RAD23B: variants seen among roughly 807,000 people sequenced by gnomAD.
RAD23B encodes RAD23 nucleotide excision repair protein B.
A neutral mutation model predicts 49.1 loss-of-function variants in RAD23B; 5 were observed. The ratio of observed to expected loss-of-function variants is 0.10; its 90% CI spans 0.05 to 0.21. The LOEUF (loss-of-function observed/expected upper bound fraction) is 0.21, where lower values mean the gene tolerates loss of function less well. RAD23B is among the 10% of genes least tolerant of loss of function. The probability of loss-of-function intolerance (pLI) is 1.00; values close to 1 mark genes in which losing one functional copy is unlikely to be tolerated. For missense variants in RAD23B, 356 were observed against 486.7 expected (o/e 0.73, Z 2.53); for synonymous variants, 184 against 165.4 (o/e 1.11, Z -0.86).
chr9:107,294,363 G>A (rs1833446061), intron 1 of RAD23B, among the ~76,000 whole-genome samples: 1 of 152,182 alleles, frequency 6.6e-6, no homozygotes, highest in Non-Finnish European at 1.5e-5. Context: ...AGTGGGAAAT[G>A]CAGCACAATG....
intron 7 of RAD23B, among the ~76,000 whole-genome samples, chr9:107,323,619 T>C (rs560965928): frequency 1.2e-4 from 19 of 152,286 alleles, no homozygotes; most frequent in African/African-American, 4.3e-4. Context: ...TTTTATAACG[T>C]TGAGTGCCAA....
At chr9:107,321,275 AT>A in intron 6 of RAD23B, among the ~76,000 whole-genome samples, 1 of 150,064 alleles carries the variant, frequency 6.7e-6, no homozygotes, top group Non-Finnish European at 1.5e-5. Flanking sequence ...CATTTATGAG[AT>A]ACTTTAAGTA....
At chr9:107,291,137 A>T (rs1833376810) in intron 1 of RAD23B, among the ~76,000 whole-genome samples, 1 of 152,210 alleles carries the variant, frequency 6.6e-6, no homozygotes, top group African/African-American at 2.4e-5. Flanking sequence ...CTGGAGGCTT[A>T]AACAGGTAGA....
chr9:107,288,004 G>A (rs1833310086), intron 1 of RAD23B, among the ~76,000 whole-genome samples: 1 of 152,054 alleles, frequency 6.6e-6, no homozygotes, highest in African/African-American at 2.4e-5. Flanking sequence ...AAGCTTCCTA[G>A]ATTAAGGTAA....
intron 9 of RAD23B, among the ~76,000 whole-genome samples, chr9:107,329,309 T>C (rs1213286779): frequency 6.6e-6 from 1 of 152,196 alleles, no homozygotes; most frequent in Admixed American, 6.5e-5. Flanking sequence ...AAGACTTTTT[T>C]AGGTGATTAG....
chr9:107,284,507 C>T (rs756502608), intron 1 of RAD23B, among the ~76,000 whole-genome samples: 1 of 151,852 alleles, frequency 6.6e-6, no homozygotes, highest in Non-Finnish European at 1.5e-5. Flanking sequence ...AAACAAAAAA[C>T]AACAACTTTG....
At chr9:107,319,236 T>G (rs1265250317) in intron 6 of RAD23B, among the ~76,000 whole-genome samples, 2 of 148,018 alleles carry the variant, frequency 1.4e-5, no homozygotes, top group Non-Finnish European at 3.0e-5. Context: ...GTTCACGCCT[T>G]TCTCCTGCCT....
At chr9:107,290,493 A>G (rs1466866184) in intron 1 of RAD23B, among the ~76,000 whole-genome samples, 2 of 152,120 alleles carry the variant, frequency 1.3e-5, no homozygotes, top group African/African-American at 2.4e-5. Context: ...TTTTTTCCAC[A>G]TCTTGCTCTT....
At chr9:107,291,614 A>G (rs1833386380) in intron 1 of RAD23B, among the ~76,000 whole-genome samples, 1 of 152,208 alleles carries the variant, frequency 6.6e-6, no homozygotes. Context: ...GTCAGCTGAC[A>G]TTTTTAAAAT....
At chr9:107,313,731 C>T (rs1366910315) in intron 5 of RAD23B, among the ~76,000 whole-genome samples, 1 of 152,222 alleles carries the variant, frequency 6.6e-6, no homozygotes, top group African/African-American at 2.4e-5. Flanking sequence ...TTTAGAACCT[C>T]CATGACTTCA....
chr9:107,330,880 A>G lies in RAD23B; in HGVS notation c.*1224A>G, dbSNP rs1335683553. 6.6e-6 allele frequency: 1 copy of G among 152,650 alleles called. No homozygotes were observed. Among genetic ancestry groups the G allele is most frequent in the Non-Finnish European group, 1.5e-5 (1 of 68,044 alleles). The allele number at this position is 152,650 out of a possible 1,614,324, so 9.5% of individuals were successfully genotyped here. ...GATATCTCATGGCATATTAAAAGAA[A>G]AATCTTAATAGCAGTGTTGGCTTTT... On this transcript the variant is annotated 3_prime_UTR_variant, in exon 10 of 10. Transcript: ENST00000358015. The surrounding 1 kb of genome is among the most constrained non-coding windows in gnomAD (Gnocchi z 4.4).
chr9:107,287,074 CAAAA>C (rs1227654857), intron 1 of RAD23B, among the ~76,000 whole-genome samples: 2,022 of 94,276 alleles, frequency 0.021, 22 homozygotes, highest in Middle Eastern at 0.038. Context: ...GACTCCGTCT[CAAAA>C]AAAAAAAAAA....
intron 1 of RAD23B, among the ~76,000 whole-genome samples, chr9:107,291,711 A>G (rs552457291): frequency 6.6e-6 from 1 of 152,318 alleles, no homozygotes; most frequent in South Asian, 2.1e-4. Flanking sequence ...CAGTTTCTCA[A>G]GTGGAAGGAG....
At chr9:107,290,338 T>C (rs1833356018) in intron 1 of RAD23B, among the ~76,000 whole-genome samples, 1 of 152,210 alleles carries the variant, frequency 6.6e-6, no homozygotes, top group South Asian at 2.1e-4. Flanking sequence ...TTTCTCTTCA[T>C]CACTGATTTT....
intron 1 of RAD23B, among the ~76,000 whole-genome samples, chr9:107,288,309 G>C (rs1351906233): frequency 1.3e-5 from 2 of 152,186 alleles, no homozygotes; most frequent in Non-Finnish European, 2.9e-5. Context: ...GCCCTGCTGT[G>C]ATGGTATGTG....
chr9:107,317,325 G>A (rs183797806), intron 5 of RAD23B, among the ~76,000 whole-genome samples: 127 of 152,224 alleles, frequency 8.3e-4, no homozygotes, highest in Non-Finnish European at 8.7e-4. Flanking sequence ...AAGAGGAAAA[G>A]GAACTGAAAT....
In RAD23B at chr9:107,314,797, T is replaced by A. The variant is rs147809143; in HGVS notation, c.553+3060T>A. On this transcript the variant is annotated intron_variant, in intron 5 of 9. Transcript: ENST00000358015. ...CTAATGGACATTTCCGCCAGCAGTG[T>A]ATAAGCATTCTATTTTCTCCACATC... 3.6e-3 allele frequency among the ~76,000 whole-genome samples: 541 copies of A among 152,336 alleles called. 4 individuals are homozygous for A. The highest frequency in any genetic ancestry group is 0.012 in the African/African-American group (515 of 41,582).
chr9:107,311,832 GGTT>G, intron 5 of RAD23B, 95 bp downstream of exon 5: 3 of 923,052 alleles, frequency 3.3e-6, no homozygotes, highest in South Asian at 3.4e-5. Context: ...TAATTTGCAT[GGTT>G]GTTTATAATC....
chr9:107,315,526 T>A (rs982408744), intron 5 of RAD23B, among the ~76,000 whole-genome samples: 13 of 152,190 alleles, frequency 8.5e-5, no homozygotes, highest in African/African-American at 3.1e-4. Context: ...TTGTTTTGTT[T>A]TGTTTTTGAG....
Sources: allele counts gnomAD v4.1 joint callset (sites outside exome capture counted in the v4.1 genomes callset), GRCh38; gene constraint gnomAD v4.1.1; non-coding constraint Gnocchi (gnomAD v3.1); transcripts MANE v1.5; gene names NCBI Gene and HGNC (gene_info 2026-07-23, HGNC 2026-07-21).